ELMO1: variants seen among roughly 807,000 people sequenced by gnomAD.
The protein encoded by ELMO1 is engulfment and cell motility 1, also known as engulfment and cell motility protein 1.
A neutral mutation model predicts 98.9 loss-of-function variants in ELMO1; 26 were observed. That is an observed-to-expected ratio of 0.26 (90% CI 0.19 to 0.36). ELMO1 has a LOEUF of 0.36. Ranked by LOEUF, ELMO1 falls within the 10% of genes least tolerant of loss-of-function variation. The probability of loss-of-function intolerance (pLI) is 1.00; values close to 1 mark genes in which losing one functional copy is unlikely to be tolerated. For synonymous variants in ELMO1, 346 were observed against 346.0 expected (o/e 1.00, Z 0.00); for missense variants, 627 against 935.2 (o/e 0.67, Z 4.30).
intron 13 of ELMO1, chr7:37,204,357 C>T: frequency 1.0e-5 from 4 of 401,364 alleles, no homozygotes; most frequent in South Asian, 7.4e-5. Flanking sequence ...AAGAGTGAAG[C>T]TGCAGACCTT....
intron 13 of ELMO1, among the ~76,000 whole-genome samples, chr7:37,205,618 C>T (rs534189289): frequency 6.6e-6 from 1 of 152,162 alleles, no homozygotes; most frequent in South Asian, 2.1e-4. Context: ...ATGAGAAAAA[C>T]GTGGCCTAGA....
At chr7:37,116,618 C>CT (rs1785609987) in intron 14 of ELMO1, among the ~76,000 whole-genome samples, 1 of 151,392 alleles carries the variant, frequency 6.6e-6, no homozygotes, top group Non-Finnish European at 1.5e-5. Context: ...CTTAGCTTCA[C>CT]TTTTTTCTCA....
At chr7:37,109,195 G>A (rs376741909) in intron 14 of ELMO1, among the ~76,000 whole-genome samples, 2 of 152,128 alleles carry the variant, frequency 1.3e-5, no homozygotes, top group South Asian at 2.1e-4. Flanking sequence ...ATGCGGCCAC[G>A]TGGATGAAAA....
At chr7:37,350,183 G>A (rs148818392) in intron 1 of ELMO1, among the ~76,000 whole-genome samples, 9 of 152,330 alleles carry the variant, frequency 5.9e-5, no homozygotes, top group Non-Finnish European at 5.9e-5. Flanking sequence ...AGGGAACACG[G>A]TGTGTTCAGA....
At chr7:37,292,645 T>C (rs1797769503) in intron 4 of ELMO1, among the ~76,000 whole-genome samples, 4 of 113,822 alleles carry the variant, frequency 3.5e-5, no homozygotes, top group Admixed American at 1.7e-4. Context: ...ACGCCCCGTC[T>C]GAGAAGTGAG....
rs537241611 is a variant in ELMO1, at chr7:37,230,866, T to C, written c.549+2229A>G. Among the ~76,000 whole-genome samples the C allele has an allele frequency of 2.0e-5, 3 of 152,336 alleles. No homozygotes were observed. The South Asian group carries it at 6.2e-4, about 32-fold the overall frequency. On this transcript the variant is annotated intron_variant, in intron 8 of 21. Transcript: ENST00000310758. ...TAGTGCCATTTATTTTTTCCTCTCATAATCTAATGCTTACATTCCCTGCCA... is the reference window on the plus strand; with the variant it reads ...TAGTGCCATTTATTTTTTCCTCTCACAATCTAATGCTTACATTCCCTGCCA...
At chr7:36,926,719 C>A (rs1389880195) in intron 16 of ELMO1, among the ~76,000 whole-genome samples, 2 of 152,194 alleles carry the variant, frequency 1.3e-5, no homozygotes, top group African/African-American at 4.8e-5. Context: ...ATGCAAATAA[C>A]ATAAGATCTG....
At chr7:37,377,821 C>T (rs556572929) in intron 1 of ELMO1, among the ~76,000 whole-genome samples, 12 of 152,108 alleles carry the variant, frequency 7.9e-5, no homozygotes, top group Non-Finnish European at 1.6e-4. Flanking sequence ...AAATCAGTTG[C>T]CATAAGCATC....
rs56033103 is a variant in ELMO1, at chr7:37,118,413, C to T, written c.1191+14717G>A. On this transcript the variant is annotated intron_variant, in intron 14 of 21. Transcript: ENST00000310758. ...CAACAGGAGAAACTGGGAAACATGCCTTTTCCTTTTCTTCAGTCTCAGGAG... is the reference window on the plus strand; with the variant it reads ...CAACAGGAGAAACTGGGAAACATGCTTTTTCCTTTTCTTCAGTCTCAGGAG... Among the ~76,000 whole-genome samples the T allele has an allele frequency of 5.9e-3, 903 of 152,276 alleles. 10 individuals are homozygous for T. The highest frequency in any genetic ancestry group is 0.021 in the African/African-American group (865 of 41,548).
chr7:37,337,459 AG>A (rs1224200694), intron 2 of ELMO1, among the ~76,000 whole-genome samples: 4 of 151,932 alleles, frequency 2.6e-5, no homozygotes, highest in African/African-American at 9.7e-5. Context: ...CACACTAACA[AG>A]GCACATGTAT....
chr7:37,125,985 A>C (rs1786481014), intron 14 of ELMO1, among the ~76,000 whole-genome samples: 1 of 152,210 alleles, frequency 6.6e-6, no homozygotes, highest in Admixed American at 6.5e-5. Flanking sequence ...TGATGAGGTC[A>C]TGTCCTTTGT....
At chr7:36,894,017 A>G (rs984378902) in intron 17 of ELMO1, among the ~76,000 whole-genome samples, 1 of 152,222 alleles carries the variant, frequency 6.6e-6, no homozygotes, top group Non-Finnish European at 1.5e-5. Flanking sequence ...AAAGCTCAGA[A>G]GAAGCTGTGT....
At chr7:37,257,473 C>G (rs578247563) in intron 6 of ELMO1, among the ~76,000 whole-genome samples, 1 of 151,032 alleles carries the variant, frequency 6.6e-6, no homozygotes, top group Non-Finnish European at 1.5e-5. Flanking sequence ...GCCTGTAATC[C>G]CAACACTTTG....
chr7:37,142,687 C>T (rs1787716516), intron 13 of ELMO1, among the ~76,000 whole-genome samples: 1 of 152,210 alleles, frequency 6.6e-6, no homozygotes, highest in African/African-American at 2.4e-5. Flanking sequence ...ATATTAGCCA[C>T]TGTGCATCAT....
At position 37,398,861 on chromosome 7, in the gene ELMO1, G is replaced by A. The variant is rs185415975; in HGVS notation, c.-74+49814C>T. Among the ~76,000 whole-genome samples, 12 of 152,298 alleles carry A rather than the reference G, an allele frequency of 7.9e-5. No homozygotes were observed. The East Asian group carries it at 2.3e-3, about 29-fold the overall frequency. ...CCTTCGCCCCCAAGAAGCACAGGAA[G>A]GCTTCTTTCAAGGCACCCTGTTCCT... On this transcript the variant is annotated intron_variant, in intron 1 of 21. Coordinates refer to ENST00000310758, the MANE Select transcript of ELMO1 (RefSeq NM_014800.11).
Position 37,109,999 on chromosome 7 carries a change from C to A in ELMO1, c.1192-13272G>T, listed in dbSNP as rs11489387. On this transcript the variant is annotated intron_variant, in intron 14 of 21. Coordinates refer to ENST00000310758, the MANE Select transcript of ELMO1 (RefSeq NM_014800.11). ...GCTCGTGGTTTTTACCAGGAAGCAA[C>A]CTTGACCGCCTCCAGATTGCCCTCT... Among the ~76,000 whole-genome samples the A allele has an allele frequency of 9.3e-3, 1,417 of 152,280 alleles. 20 individuals are homozygous for A. Among genetic ancestry groups the A allele is most frequent in the African/African-American group, 0.032 (1,332 of 41,550 alleles).
At position 36,938,207 on chromosome 7, in the gene ELMO1, G is replaced by C. The variant is rs576996810; in HGVS notation, c.1438-43190C>G. ...TTTGTCTCCAAATGTGTTTCTTCCA[G>C]TTATAGTTGTCATTGTAATTATGTA... On this transcript the variant is annotated intron_variant, in intron 16 of 21. Coordinates refer to ENST00000310758, the MANE Select transcript of ELMO1 (RefSeq NM_014800.11). 1.0e-3 allele frequency among the ~76,000 whole-genome samples: 152 copies of C among 152,330 alleles called. 1 individual carries two copies. Among genetic ancestry groups the C allele is most frequent in the Non-Finnish European group, 1.7e-3 (116 of 68,038 alleles).
At chr7:37,287,053 C>T (rs144379953) in intron 4 of ELMO1, among the ~76,000 whole-genome samples, 2 of 151,870 alleles carry the variant, frequency 1.3e-5, no homozygotes, top group Non-Finnish European at 2.9e-5. Flanking sequence ...ATTAGCCAGG[C>T]GTGGTGGCAT....
At chr7:37,443,698 GT>G (rs753499907) in intron 1 of ELMO1, among the ~76,000 whole-genome samples, 9 of 152,286 alleles carry the variant, frequency 5.9e-5, no homozygotes, top group Non-Finnish European at 1.3e-4. Context: ...AGTTCCAATT[GT>G]TAACACTCAA....
Sources: allele counts gnomAD v4.1 joint callset (sites outside exome capture counted in the v4.1 genomes callset), GRCh38; gene constraint gnomAD v4.1.1; transcripts MANE v1.5; gene names NCBI Gene and HGNC (gene_info 2026-07-23, HGNC 2026-07-21).